PIGF: variants seen among roughly 807,000 people sequenced by gnomAD.
PIGF encodes phosphatidylinositol glycan anchor biosynthesis class F.
A neutral mutation model predicts 26.0 loss-of-function variants in PIGF; 23 were observed. That is an observed-to-expected ratio of 0.88 (90% confidence interval 0.64 to 1.25). The LOEUF (loss-of-function observed/expected upper bound fraction) is 1.25. Among genes scored for constraint, PIGF ranks in the 50% most tolerant of loss-of-function variants. The pLI, the probability that PIGF is intolerant of heterozygous loss-of-function variation, is 0.00. For synonymous variants in PIGF, 93 were observed against 92.6 expected (o/e 1.00, Z -0.03); for missense variants, 278 against 249.9 (o/e 1.11, Z -0.76).
At position 46,588,284 on chromosome 2, in the gene PIGF, T is replaced by G. The variant is rs1558699882; in HGVS notation, c.546+4191A>C. 1 of 1,403,756 alleles carries G rather than the reference T, an allele frequency of 7.1e-7. No homozygotes were observed. Among genetic ancestry groups the G allele is most frequent in the Non-Finnish European group, 9.5e-7 (1 of 1,047,944 alleles). The allele number at this position is 1,403,756 out of a possible 1,614,324, so 87.0% of individuals were successfully genotyped here. A position where few individuals can be genotyped will look rare whatever the true frequency, so the allele number is the denominator to read the frequency against. ...TAAATTAACAGTCCACTCTACCAAC[T>G]GAAAGACTGCTGGGCAGAAAAAATA... On this transcript the variant is annotated intron_variant, in intron 5 of 5. Coordinates refer to ENST00000281382, the MANE Select transcript of PIGF (RefSeq NM_002643.4). This position sits in a 1 kb window ranked among gnomAD's most constrained non-coding sequence, Gnocchi z 4.1.
chr2:46,612,601 C>T (rs575330164), intron 3 of PIGF, among the ~76,000 whole-genome samples: 151 of 152,300 alleles, frequency 9.9e-4, no homozygotes, highest in Middle Eastern at 3.4e-3. Context: ...GAGACTTTCA[C>T]TGCAAACACA....
At chr2:46,613,904 T>C (rs1670516156) in intron 2 of PIGF, 119 bp from the exon 3 acceptor site, 2 of 822,486 alleles carry the variant, frequency 2.4e-6, no homozygotes, top group Admixed American at 3.0e-5. Context: ...CAAATGTTCT[T>C]GGGTATACTC....
At chr2:46,611,934 G>C (rs1316787564) in intron 4 of PIGF, among the ~76,000 whole-genome samples, 1 of 151,222 alleles carries the variant, frequency 6.6e-6, no homozygotes. Flanking sequence ...TCTTTTAATA[G>C]TAGAATTTTT....
At chr2:46,595,154 T>A (rs1321137535) in intron 4 of PIGF, among the ~76,000 whole-genome samples, 1 of 152,206 alleles carries the variant, frequency 6.6e-6, no homozygotes, top group African/African-American at 2.4e-5. Context: ...ATTTCAAGTA[T>A]ACAAATCAAT....
intron 5 of PIGF, among the ~76,000 whole-genome samples, chr2:46,587,470 C>T (rs1275128283): frequency 2.0e-5 from 3 of 150,202 alleles, no homozygotes; most frequent in Non-Finnish European, 3.0e-5. Flanking sequence ...TTTTTAAATA[C>T]AACAATGCCT....
chr2:46,606,103 A>C (rs1670213656), intron 4 of PIGF, among the ~76,000 whole-genome samples: 1 of 152,308 alleles, frequency 6.6e-6, no homozygotes, highest in Admixed American at 6.5e-5. Flanking sequence ...CCTACTTTCC[A>C]TAAGCAAGAA....
chr2:46,601,787 C>G (rs569883604), intron 4 of PIGF, among the ~76,000 whole-genome samples: 1 of 151,936 alleles, frequency 6.6e-6, no homozygotes, highest in East Asian at 1.9e-4. Flanking sequence ...CAAAAAGAGG[C>G]CTATTATCTT....
chr2:46,599,793 T>C (rs969057400), intron 4 of PIGF, among the ~76,000 whole-genome samples: 2 of 152,166 alleles, frequency 1.3e-5, no homozygotes, highest in African/African-American at 2.4e-5. Flanking sequence ...TCAGGCCAGA[T>C]TCTTCATCTT....
chr2:46,581,648 A>G (rs1448042036), intron 5 of PIGF, 57 bp from the exon 6 acceptor site: 1 of 1,568,470 alleles, frequency 6.4e-7, no homozygotes, highest in East Asian at 2.4e-5. Flanking sequence ...TTACTTGAGC[A>G]CAAGTGTAAC....
chr2:46,587,980 C>T, intron 5 of PIGF: 1 of 1,004,850 alleles, frequency 1.0e-6, no homozygotes. Flanking sequence ...AATCTTAAGT[C>T]TCCCTCTTCC....
intron 5 of PIGF, chr2:46,581,882 C>A: frequency 3.8e-6 from 1 of 263,754 alleles, no homozygotes; most frequent in Non-Finnish European, 7.3e-6. Context: ...TCAGACTTTG[C>A]CATAATGATA....
chr2:46,613,554 C>T (rs1247519437), intron 3 of PIGF, 140 bp downstream of exon 3: 1 of 576,718 alleles, frequency 1.7e-6, no homozygotes, highest in Non-Finnish European at 3.0e-6. Flanking sequence ...AAAAGAATAA[C>T]ACTGCTAATG....
intron 4 of PIGF, among the ~76,000 whole-genome samples, chr2:46,605,909 G>A (rs1643829057): frequency 6.6e-6 from 1 of 152,070 alleles, no homozygotes; most frequent in African/African-American, 2.4e-5. Flanking sequence ...TTTTTGCATT[G>A]CTATTTCATG....
chr2:46,604,853 G>C (rs1216370523), intron 4 of PIGF, among the ~76,000 whole-genome samples: 2 of 151,894 alleles, frequency 1.3e-5, no homozygotes, highest in African/African-American at 2.4e-5. Context: ...AAATAACTAA[G>C]AGTATAATTG....
At chr2:46,611,884 A>C (rs1670430663) in intron 4 of PIGF, among the ~76,000 whole-genome samples, 1 of 152,156 alleles carries the variant, frequency 6.6e-6, no homozygotes, top group Non-Finnish European at 1.5e-5. Flanking sequence ...CAGTCTTATC[A>C]CAGTGCCAAA....
intron 5 of PIGF, chr2:46,583,023 T>C (rs1012979208): frequency 6.6e-6 from 1 of 152,188 alleles, no homozygotes; most frequent in African/African-American, 2.4e-5. Context: ...TAGATAAAAT[T>C]GAAAGGAATT....
chr2:46,605,989 G>T (rs1670210035), intron 4 of PIGF, among the ~76,000 whole-genome samples: 3 of 152,124 alleles, frequency 2.0e-5, no homozygotes, highest in African/African-American at 7.2e-5. Context: ...ATAGTCCTCT[G>T]GAGACTAGGC....
At chr2:46,594,848 T>TTTG (rs1553425200) in intron 4 of PIGF, among the ~76,000 whole-genome samples, 11 of 150,338 alleles carry the variant, frequency 7.3e-5, no homozygotes, top group African/African-American at 2.4e-4. Context: ...CCGTTTTTTT[T>TTTG]TTTGTTTGTT....
Position 46,581,536 on chromosome 2 carries a change from A to C in PIGF, c.602T>G (p.Val201Gly). ...CCAGTATATCCAGAGTGGTGAAATA[A>C]CAAGGCCAGCCACGTAGCCAAAGGT... Reference protein sequence around the residue: ...GATFGYVAGLVISPLWIYWNR... With the variant: ...GATFGYVAGLGISPLWIYWNR... The change falls in exon 6 of 6, where the codon GTT (valine) becomes GGT (glycine). Residue 201 changes from valine to glycine, a missense_variant. Coordinates refer to ENST00000281382, the MANE Select transcript of PIGF (RefSeq NM_002643.4). 6.2e-7 allele frequency: 1 copy of C among 1,611,686 alleles called. No individual in the cohort carries two copies. The highest frequency in any genetic ancestry group is 8.5e-7 in the Non-Finnish European group (1 of 1,179,622).
Sources: allele counts gnomAD v4.1 joint callset (sites outside exome capture counted in the v4.1 genomes callset), GRCh38; gene constraint gnomAD v4.1.1; non-coding constraint Gnocchi (gnomAD v3.1); transcripts MANE v1.5; gene names NCBI Gene and HGNC (gene_info 2026-07-23, HGNC 2026-07-21).